The following GAK variants were observed in gnomAD, a reference collection of about 807,000 sequenced individuals.
GAK encodes the protein cyclin G associated kinase, also known as cyclin-G-associated kinase.
Under a neutral mutation model 143.9 loss-of-function variants are expected in GAK, and 79 were observed. The observed-to-expected ratio is 0.55, with a 90% confidence interval of 0.46 to 0.66. The LOEUF is 0.66. Ranked by LOEUF, GAK falls within the 30% of genes least tolerant of loss-of-function variation. The probability of loss-of-function intolerance (pLI) is 0.00; values close to 1 mark genes in which losing one functional copy is unlikely to be tolerated. For synonymous variants in GAK, 881 were observed against 765.5 expected (o/e 1.15, Z -2.49); for missense variants, 1,693 against 1,779.7 (o/e 0.95, Z 0.88).
intron 10 of GAK, 29 bp from the exon 11 acceptor site, chr4:888,999 C>T: frequency 6.3e-7 from 1 of 1,598,896 alleles, no homozygotes; most frequent in South Asian, 1.1e-5. Context: ...TCAGCAGGCC[C>T]CAGGTGCTCG....
chr4:931,990 T>A (rs1725939388), intron 1 of GAK, 53 bp downstream of exon 1: 3 of 1,293,758 alleles, frequency 2.3e-6, no homozygotes, highest in Non-Finnish European at 3.3e-6. Context: ...GCCCCCAGCG[T>A]CCCGGAGACA....
chr4:890,792 A>G (rs999616611), intron 9 of GAK, among the ~76,000 whole-genome samples, 170 bp from the exon 10 acceptor site: 3 of 152,156 alleles, frequency 2.0e-5, no homozygotes, highest in Non-Finnish European at 4.4e-5. Flanking sequence ...GCTGGAACTC[A>G]ACAAACGCAC....
intron 1 of GAK, among the ~76,000 whole-genome samples, chr4:925,343 G>A (rs1724544491): frequency 6.6e-6 from 1 of 152,192 alleles, no homozygotes; most frequent in Non-Finnish European, 1.5e-5. Context: ...TCCATGCAAA[G>A]GGCTGAGGAC....
rs768017849 is a variant in GAK, at chr4:902,596, C to CAAAAAAAAA, written c.525+2032_525+2040dup. On this transcript the variant is annotated intron_variant, in intron 5 of 27. Transcript: ENST00000314167. ...AGCCTGGGCTGTAGAGTGACTGACTCAAAAAAAAAAAAAAAAAACCCCAAA... is the reference window on the plus strand; with the variant it reads ...AGCCTGGGCTGTAGAGTGACTGACTCAAAAAAAAAAAAAAAAAAAAAAAAAAACCCCAAA... Among the ~76,000 whole-genome samples the CAAAAAAAAA allele has an allele frequency of 4.6e-4, 28 of 60,726 alleles. 5 individuals are homozygous for CAAAAAAAAA. Among genetic ancestry groups the CAAAAAAAAA allele is most frequent in the African/African-American group, 7.4e-4 (9 of 12,182 alleles). 39.8% of individuals were successfully genotyped at this position (60,726 alleles called of 152,430 possible).
rs765265461 is a variant in GAK, at chr4:851,991, C to T, written c.3284-17G>A. On this transcript the variant is annotated splice_polypyrimidine_tract_variant and intron_variant, in intron 24 of 27. Transcript: ENST00000314167. ...CTGGTGAGCCTGTGGAGATGGAGAT[C>T]GGAAACTCGGCATCTGGTTGTCCAT... 9 of 1,601,050 alleles carry T rather than the reference C, an allele frequency of 5.6e-6. No individual in the cohort carries two copies. Among genetic ancestry groups the T allele is most frequent in the East Asian group, 4.5e-5 (2 of 44,742 alleles).
intron 22 of GAK, 126 bp from the exon 23 acceptor site, chr4:865,370 T>C: frequency 3.4e-6 from 4 of 1,184,750 alleles, no homozygotes; most frequent in African/African-American, 1.5e-5. Flanking sequence ...GAGCTGAGGC[T>C]GGGCTGACGG....
intron 1 of GAK, among the ~76,000 whole-genome samples, chr4:926,298 A>G (rs1346449144): frequency 2.6e-5 from 4 of 152,190 alleles, no homozygotes; most frequent in African/African-American, 9.7e-5. Context: ...GCAGCTGAGC[A>G]TGAAGTGGTG....
rs376660326 is a variant in GAK at position 883,482 on chromosome 4, C to T, written c.1256-19G>A. The T allele has an allele frequency of 8.9e-5, 144 of 1,612,374 alleles. No homozygotes were observed. Among genetic ancestry groups the T allele is most frequent in the Middle Eastern group, 3.3e-4 (2 of 6,060 alleles). ...GACATCACTGAAACAAGCAGACCTG[C>T]GTCAGCACCTGGGAGATGCGCACCT... On this transcript the variant is annotated intron_variant, in intron 12 of 27. Transcript: ENST00000314167.
intron 3 of GAK, chr4:912,232 C>T (rs549707869): frequency 1.1e-5 from 5 of 445,016 alleles, no homozygotes; most frequent in Non-Finnish European, 2.3e-5. Context: ...ACTCCAGGCT[C>T]AGGAGGGACA....
At chr4:914,485 C>CACAG (rs1722691187) in intron 1 of GAK, among the ~76,000 whole-genome samples, 1 of 102,020 alleles carries the variant, frequency 9.8e-6, no homozygotes, top group Non-Finnish European at 2.0e-5. Flanking sequence ...CACACACACA[C>CACAG]AGCCCCAGCG....
rs1170092381 is a variant in GAK, at chr4:883,414, G to A, written c.1305C>T (p.Ile435=). The A allele has an allele frequency of 1.4e-5, 23 of 1,613,702 alleles. No individual in the cohort carries two copies. The highest frequency in any genetic ancestry group is 9.3e-5 in the African/African-American group (7 of 74,942). ...EGVESALKNN[I]EDVRLFLDSK... ...AGTCCAGGAACAACCGCACATCTTC[G>A]ATGTTGTTTTTGAGCGCTGACTCCA... The change falls in exon 13 of 28, where the codon ATC becomes ATT. Residue 435 remains isoleucine, a synonymous_variant. Coordinates refer to ENST00000314167, the MANE Select transcript of GAK (RefSeq NM_005255.4).
chr4:891,064 T>G (rs1404131205), intron 9 of GAK, among the ~76,000 whole-genome samples: 1 of 151,874 alleles, frequency 6.6e-6, no homozygotes, highest in South Asian at 2.1e-4. Flanking sequence ...TTCAAGCAAT[T>G]CTCCTGCCTC....
rs544649456 is a variant in GAK, at chr4:854,548, G to A, written c.3284-2574C>T. Among the ~76,000 whole-genome samples the A allele has an allele frequency of 3.9e-5, 6 of 152,298 alleles. No homozygotes were observed. In the South Asian group the frequency reaches 1.2e-3, roughly 32 times the overall value. On this transcript the variant is annotated intron_variant, in intron 24 of 27. Transcript: ENST00000314167. ...ACGAGGGCTTAGGGCTTTGCCTACC[G>A]CTGCCCAGGTGCTCCAGACCATCTG...
intron 9 of GAK, among the ~76,000 whole-genome samples, chr4:892,581 A>T (rs982351887): frequency 6.6e-6 from 1 of 152,154 alleles, no homozygotes; most frequent in Non-Finnish European, 1.5e-5. Flanking sequence ...TCAGTCTCCC[A>T]GCCCCCAGGC....
At chr4:858,525 C>T (rs1564282) in intron 24 of GAK, among the ~76,000 whole-genome samples, 12,651 of 152,274 alleles carry the variant, frequency 0.083, 774 homozygotes, top group South Asian at 0.18. Flanking sequence ...TCTCAGACAA[C>T]ACAAGACAGA....
intron 4 of GAK, among the ~76,000 whole-genome samples, chr4:911,129 C>A (rs1179192340): frequency 2.0e-5 from 3 of 152,208 alleles, no homozygotes; most frequent in Admixed American, 6.5e-5. Context: ...GTTGTGCCAT[C>A]TTCCTGGGCT....
chr4:903,871 C>A (rs1386035533), intron 5 of GAK, among the ~76,000 whole-genome samples: 2 of 152,146 alleles, frequency 1.3e-5, no homozygotes, highest in Non-Finnish European at 2.9e-5. Context: ...CTGTGAGCAC[C>A]CCCAACTGGG....
chr4:924,549 T>C (rs1424438913), intron 1 of GAK, among the ~76,000 whole-genome samples: 1 of 151,944 alleles, frequency 6.6e-6, no homozygotes, highest in Non-Finnish European at 1.5e-5. Flanking sequence ...GGTTTGGATC[T>C]TTATTCATAA....
chr4:865,541 G>A (rs1466863487), intron 22 of GAK, among the ~76,000 whole-genome samples: 13 of 152,150 alleles, frequency 8.5e-5, no homozygotes, highest in Non-Finnish European at 1.3e-4. Flanking sequence ...ACTTTCTGCC[G>A]CCATCCCCAC....
Sources: allele counts gnomAD v4.1 joint callset (sites outside exome capture counted in the v4.1 genomes callset), GRCh38; gene constraint gnomAD v4.1.1; transcripts MANE v1.5; gene names NCBI Gene and HGNC (gene_info 2026-07-23, HGNC 2026-07-21).